The following COL4A2 variants were observed in gnomAD, a reference collection of about 807,000 sequenced individuals.
COL4A2 encodes collagen type IV alpha 2 chain.
In COL4A2, 99 loss-of-function variants were observed where a neutral mutation model predicts 200.2. The ratio of observed to expected loss-of-function variants is 0.49; its 90% CI spans 0.42 to 0.58. The LOEUF is 0.58. Among genes scored for constraint, COL4A2 ranks in the 20% least tolerant of loss-of-function variants. COL4A2 has a pLI of 0.00. For missense variants in COL4A2, 1,950 were observed against 2,314.1 expected (o/e 0.84, Z 3.23); for synonymous variants, 897 against 900.6 (o/e 1.00, Z 0.07).
chr13:110,335,032 C>T (rs1566478943), intron 3 of COL4A2, among the ~76,000 whole-genome samples: 2 of 152,106 alleles, frequency 1.3e-5, no homozygotes, highest in Non-Finnish European at 2.9e-5. Context: ...TGTGCTGCTG[C>T]CCTGATCCCT....
intron 3 of COL4A2, among the ~76,000 whole-genome samples, chr13:110,318,018 C>T (rs1885185920): frequency 6.6e-6 from 1 of 152,146 alleles, no homozygotes; most frequent in Non-Finnish European, 1.5e-5. Flanking sequence ...TGGAAGTCCC[C>T]ATGCGCCAAC....
intron 47 of COL4A2, among the ~76,000 whole-genome samples, chr13:110,510,925 G>C (rs1304754397): frequency 6.6e-6 from 1 of 152,202 alleles, no homozygotes; most frequent in African/African-American, 2.4e-5. Context: ...GCAGCTCAGG[G>C]CTGGACAGGC....
intron 4 of COL4A2, among the ~76,000 whole-genome samples, chr13:110,422,815 GA>G (rs1880305782): frequency 1.3e-5 from 2 of 152,228 alleles, no homozygotes; most frequent in Admixed American, 6.5e-5. Flanking sequence ...GAACAGTAAT[GA>G]ATTTGGAGGT....
intron 4 of COL4A2, among the ~76,000 whole-genome samples, chr13:110,365,183 CT>C (rs970554798): frequency 6.6e-6 from 1 of 152,048 alleles, no homozygotes; most frequent in Non-Finnish European, 1.5e-5. Context: ...CTCTTGTTGC[CT>C]GGGCTGGACC....
chr13:110,358,493 G>A (rs538546821), intron 4 of COL4A2, among the ~76,000 whole-genome samples: 2 of 152,314 alleles, frequency 1.3e-5, no homozygotes, highest in African/African-American at 4.8e-5. Flanking sequence ...GTAGAGTATA[G>A]TAAATGCAGA....
At chr13:110,450,180 C>T (rs1594221209) in intron 19 of COL4A2, 125 bp from the exon 20 acceptor site, 6 of 750,700 alleles carry the variant, frequency 8.0e-6, no homozygotes, top group Non-Finnish European at 1.1e-5. Flanking sequence ...GGCTTCTACC[C>T]ATCGGAGTTA....
intron 3 of COL4A2, among the ~76,000 whole-genome samples, chr13:110,342,521 C>A (rs1464625811): frequency 6.6e-6 from 1 of 152,190 alleles, no homozygotes; most frequent in African/African-American, 2.4e-5. Flanking sequence ...GAACATGGAC[C>A]ATGGATGCTG....
At chr13:110,449,159 A>G (rs1364501326) in intron 18 of COL4A2, among the ~76,000 whole-genome samples, 1 of 152,244 alleles carries the variant, frequency 6.6e-6, no homozygotes, top group Non-Finnish European at 1.5e-5. Context: ...TTTTCTTCTC[A>G]TTCTTCTCAT....
At chr13:110,389,651 A>G (rs2391826) in intron 4 of COL4A2, among the ~76,000 whole-genome samples, 151,299 of 152,290 alleles carry the variant, frequency 0.99, 75,165 homozygotes, top group East Asian at 1. Context: ...TCCTCTGTGC[A>G]CTCTCACGAG....
Position 110,503,872 on chromosome 13 carries a change from C to A in COL4A2, c.4164C>A (p.Pro1388=). 2 of 1,613,832 alleles carry A rather than the reference C, an allele frequency of 1.2e-6. No individual in the cohort carries two copies. The highest frequency in any genetic ancestry group is 1.7e-6 in the Non-Finnish European group (2 of 1,179,856). The change falls in exon 44 of 48, where the codon CCC becomes CCA. Residue 1388 remains proline, a synonymous_variant. Coordinates refer to ENST00000360467, the MANE Select transcript of COL4A2 (RefSeq NM_001846.4). Reference sequence around the variant, plus strand: ...GTGCCCCCGGGACTGTGGGAGCCCCCGGGATTGCAGGAATCCCCCAGAAGA... The same window carrying A: ...GTGCCCCCGGGACTGTGGGAGCCCCAGGGATTGCAGGAATCCCCCAGAAGA... ...FPGAPGTVGA[P]GIAGIPQKIA...
intron 3 of COL4A2, among the ~76,000 whole-genome samples, chr13:110,354,066 T>G (rs1877082986): frequency 6.6e-6 from 1 of 152,254 alleles, no homozygotes; most frequent in Non-Finnish European, 1.5e-5. Flanking sequence ...TAGATCAATT[T>G]GAAACCATTC....
intron 6 of COL4A2, among the ~76,000 whole-genome samples, chr13:110,425,218 G>A (rs892738772): frequency 2.6e-5 from 4 of 152,166 alleles, no homozygotes; most frequent in African/African-American, 9.7e-5. Flanking sequence ...GAATTGAGAC[G>A]ATTTTGCTAA....
chr13:110,402,269 A>C (rs1224375926), intron 4 of COL4A2, among the ~76,000 whole-genome samples: 1 of 152,242 alleles, frequency 6.6e-6, no homozygotes, highest in Non-Finnish European at 1.5e-5. Context: ...GAAATCAAAT[A>C]AATTGTGTGC....
chr13:110,354,566 A>G (rs2139384153), intron 3 of COL4A2, among the ~76,000 whole-genome samples: 1 of 152,152 alleles, frequency 6.6e-6, no homozygotes, highest in African/African-American at 2.4e-5. Context: ...CTGGAAAGAA[A>G]TGTAAAAGCT....
At chr13:110,506,704 C>T in intron 46 of COL4A2, 98 bp downstream of exon 46, 1 of 1,291,284 alleles carries the variant, frequency 7.7e-7, no homozygotes, top group Non-Finnish European at 1.0e-6. Context: ...CCCTCCACGG[C>T]TGGTAAGTTC....
At position 110,469,272 on chromosome 13, in the gene COL4A2, G is replaced by A. The variant is rs779832936; in HGVS notation, c.2151G>A (p.Gly717=). The change falls in exon 28 of 48, where the codon GGG becomes GGA. Residue 717 remains glycine (G), a synonymous_variant. Transcript: ENST00000360467. ...PGFAGADGGP[G]PRGLPGDAGR... is the part of the protein sequence containing the mutation. ...TCGCAGGAGCTGATGGAGGACCAGGGCCCAGGGGCTTGCCAGGAGACGCAG... is the reference window on the plus strand; with the variant it reads ...TCGCAGGAGCTGATGGAGGACCAGGACCCAGGGGCTTGCCAGGAGACGCAG... 6.2e-7 allele frequency: 1 copy of A among 1,604,340 alleles called. No homozygotes were observed. The highest frequency in any genetic ancestry group is 1.1e-5 in the South Asian group (1 of 88,544).
intron 4 of COL4A2, among the ~76,000 whole-genome samples, chr13:110,417,608 T>C (rs1220364517): frequency 6.6e-6 from 1 of 152,204 alleles, no homozygotes; most frequent in Non-Finnish European, 1.5e-5. Context: ...CCTTGTGCCC[T>C]CTCAGTTAGT....
At chr13:110,462,057 T>C in intron 22 of COL4A2, 57 bp from the exon 23 acceptor site, 1 of 1,603,710 alleles carries the variant, frequency 6.2e-7, no homozygotes, top group Non-Finnish European at 8.5e-7. Flanking sequence ...CCAGCCATCT[T>C]CTCAGATGCC....
At chr13:110,367,210 C>T (rs1877794542) in intron 4 of COL4A2, among the ~76,000 whole-genome samples, 1 of 152,126 alleles carries the variant, frequency 6.6e-6, no homozygotes, top group Non-Finnish European at 1.5e-5. Flanking sequence ...ATCTAAAACA[C>T]TGTTGGGGTG....
Sources: gnomAD v4.1 joint callset for allele counts (sites outside exome capture counted in the v4.1 genomes callset) on GRCh38, gnomAD v4.1.1 for gene constraint, MANE v1.5 for transcripts, NCBI Gene and HGNC (gene_info 2026-07-23, HGNC 2026-07-21) for gene names.